LRP1B: variants seen among roughly 807,000 people sequenced by gnomAD.
LRP1B encodes low-density lipoprotein receptor-related protein 1B.
Under a neutral mutation model 556.6 loss-of-function variants are expected in LRP1B, and 217 were observed. The ratio of observed to expected loss-of-function variants is 0.39; its 90% CI spans 0.35 to 0.44. The LOEUF (loss-of-function observed/expected upper bound fraction) is 0.44, where lower values mean the gene tolerates loss of function less well. Among genes scored for constraint, LRP1B ranks in the 20% least tolerant of loss-of-function variants. LRP1B has a pLI of 1.00. For synonymous variants in LRP1B, 2,047 were observed against 1,865.8 expected (o/e 1.10, Z -2.50); for missense variants, 5,053 against 5,620.8 (o/e 0.90, Z 3.23).
chr2:140,454,724 C>A (rs1248455887), intron 62 of LRP1B, among the ~76,000 whole-genome samples: 4 of 151,968 alleles, frequency 2.6e-5, no homozygotes, highest in African/African-American at 9.7e-5. Context: ...TTTGACTAAT[C>A]TAATTTGTTG....
intron 43 of LRP1B, among the ~76,000 whole-genome samples, chr2:140,590,519 G>A (rs1301493813): frequency 6.6e-6 from 1 of 150,726 alleles, no homozygotes; most frequent in African/African-American, 2.4e-5. Context: ...CATAAGGGTA[G>A]GTTACTAATT....
intron 5 of LRP1B, among the ~76,000 whole-genome samples, chr2:141,246,341 T>C (rs1321433955): frequency 6.6e-6 from 1 of 152,184 alleles, no homozygotes; most frequent in African/African-American, 2.4e-5. Context: ...ACAAGTGTGC[T>C]GGCATTGATG....
At chr2:141,429,581 A>G (rs1160185699) in intron 3 of LRP1B, among the ~76,000 whole-genome samples, 5 of 152,138 alleles carry the variant, frequency 3.3e-5, no homozygotes, top group Non-Finnish European at 7.4e-5. Flanking sequence ...AGATCATCCC[A>G]TCACTTAGGT....
chr2:140,516,475 G>A (rs1689905387), intron 50 of LRP1B, among the ~76,000 whole-genome samples: 1 of 152,070 alleles, frequency 6.6e-6, no homozygotes, highest in Non-Finnish European at 1.5e-5. Context: ...GTGTCCACAG[G>A]GTGTTAGACC....
intron 68 of LRP1B, among the ~76,000 whole-genome samples, chr2:140,374,069 G>GTCCATA (rs1217298546): frequency 2.0e-5 from 3 of 152,056 alleles, no homozygotes; most frequent in Non-Finnish European, 4.4e-5. Context: ...ATTTCTGCTA[G>GTCCATA]TCCATATACA....
chr2:141,090,674 A>T (rs555553927), intron 7 of LRP1B, among the ~76,000 whole-genome samples: 1 of 152,340 alleles, frequency 6.6e-6, no homozygotes, highest in South Asian at 2.1e-4. Context: ...AAAGTGATCT[A>T]CATGTCCATG....
chr2:140,430,233 C>T (rs1468603434), intron 66 of LRP1B, among the ~76,000 whole-genome samples: 1 of 152,190 alleles, frequency 6.6e-6, no homozygotes, highest in East Asian at 1.9e-4. Context: ...CACTACCTCT[C>T]AGCAAGGTGA....
intron 31 of LRP1B, among the ~76,000 whole-genome samples, chr2:140,833,690 C>T (rs947821745): frequency 1.3e-5 from 2 of 152,120 alleles, no homozygotes; most frequent in Non-Finnish European, 2.9e-5. Context: ...TGGTGACTTA[C>T]TGTATATACA....
At chr2:141,032,010 T>G (rs979264435) in intron 11 of LRP1B, among the ~76,000 whole-genome samples, 2 of 152,050 alleles carry the variant, frequency 1.3e-5, no homozygotes, top group Admixed American at 1.3e-4. Flanking sequence ...TAAGAATGTA[T>G]ATCATGTTGT....
chr2:141,055,019 G>A lies in LRP1B; in HGVS notation c.1552+97C>T, dbSNP rs374670756. Reference sequence around the variant, plus strand: ...TTGCAGGCAAACTTCACCTGTTGAAGTCTCATGTTATGACTGATGTTGATG... The same window carrying A: ...TTGCAGGCAAACTTCACCTGTTGAAATCTCATGTTATGACTGATGTTGATG... On this transcript the variant is annotated intron_variant, in intron 10 of 90. Transcript: ENST00000389484. 4.5e-6 allele frequency: 6 copies of A among 1,347,990 alleles called. No homozygotes were observed. In the South Asian group the frequency reaches 5.9e-5, roughly 13 times the overall value. 83.5% of individuals were successfully genotyped at this position (1,347,990 alleles called of 1,614,324 possible). A position where few individuals can be genotyped will look rare whatever the true frequency, so the allele number is the denominator to read the frequency against.
At chr2:140,807,961 G>A (rs967675823) in intron 32 of LRP1B, among the ~76,000 whole-genome samples, 9 of 152,072 alleles carry the variant, frequency 5.9e-5, no homozygotes, top group African/African-American at 1.7e-4. Context: ...GTGTAATGGC[G>A]CATGCCTGTA....
chr2:141,341,250 T>G (rs943207429), intron 3 of LRP1B, among the ~76,000 whole-genome samples: 5 of 152,192 alleles, frequency 3.3e-5, no homozygotes, highest in African/African-American at 4.8e-5. Context: ...TTTGAGCCAT[T>G]CTGAGCATCT....
rs375238085 is a variant in LRP1B, at chr2:142,129,741, C to G, written c.82+907G>C. 7.2e-5 allele frequency among the ~76,000 whole-genome samples: 11 copies of G among 151,996 alleles called. No individual in the cohort carries two copies. The East Asian group carries it at 1.2e-3, about 16-fold the overall frequency. ...CTTTAACCAGTTAACCATTCCAAGG[C>G]CAGGGCCAGTGCCCCAAATATTCAT... On this transcript the variant is annotated intron_variant, in intron 1 of 90. Coordinates refer to ENST00000389484, the MANE Select transcript of LRP1B (RefSeq NM_018557.3).
At chr2:141,586,913 G>A (rs189499088) in intron 2 of LRP1B, among the ~76,000 whole-genome samples, 1,760 of 147,606 alleles carry the variant, frequency 0.012, 42 homozygotes, top group African/African-American at 0.041. Context: ...CTGCACTCCA[G>A]CCTGGGCGAC....
At chr2:141,536,412 T>C (rs1184996599) in intron 2 of LRP1B, among the ~76,000 whole-genome samples, 1 of 152,074 alleles carries the variant, frequency 6.6e-6, no homozygotes, top group Non-Finnish European at 1.5e-5. Flanking sequence ...ATTATAAGCT[T>C]GCATGATGAA....
intron 35 of LRP1B, among the ~76,000 whole-genome samples, chr2:140,745,657 T>C (rs1291875982): frequency 1.3e-5 from 2 of 152,138 alleles, no homozygotes; most frequent in Admixed American, 1.3e-4. Flanking sequence ...ATTTGTTCCC[T>C]TTCATGAAAG....
At chr2:141,571,546 C>G (rs1246270483) in intron 2 of LRP1B, among the ~76,000 whole-genome samples, 1 of 152,122 alleles carries the variant, frequency 6.6e-6, no homozygotes, top group Non-Finnish European at 1.5e-5. Context: ...CATAATGTCT[C>G]TCCATCAAGG....
At chr2:141,649,259 G>A (rs1689695905) in intron 2 of LRP1B, among the ~76,000 whole-genome samples, 1 of 152,164 alleles carries the variant, frequency 6.6e-6, no homozygotes, top group African/African-American at 2.4e-5. Flanking sequence ...AGAGTATTCT[G>A]AGCGGGGGAT....
chr2:140,732,215 A>G (rs915754182), intron 35 of LRP1B, among the ~76,000 whole-genome samples: 2 of 151,938 alleles, frequency 1.3e-5, no homozygotes, highest in Non-Finnish European at 2.9e-5. Flanking sequence ...CCATGGTAAA[A>G]TGTTTAAAAA....
Sources: gnomAD v4.1 joint callset for allele counts (sites outside exome capture counted in the v4.1 genomes callset) on GRCh38, gnomAD v4.1.1 for gene constraint, MANE v1.5 for transcripts, NCBI Gene and HGNC (gene_info 2026-07-23, HGNC 2026-07-21) for gene names.